SLAMF9: variants seen among roughly 807,000 people sequenced by gnomAD.
SLAMF9 encodes SLAM family member 9.
SLAMF9 carries 25 observed loss-of-function variants against 30.4 expected under a neutral mutation model. The observed-to-expected ratio is 0.82, with a 90% CI of 0.60 to 1.15. The LOEUF is 1.15. Ranked by LOEUF, SLAMF9 falls within the 50% of genes most tolerant of loss-of-function variation. SLAMF9 has a pLI of 0.00. For synonymous variants in SLAMF9, 129 were observed against 127.2 expected (o/e 1.01, Z -0.09); for missense variants, 344 against 346.1 (o/e 0.99, Z 0.05).
chr1:159,960,824 G>C, the SLAMF9 span, among the ~76,000 whole-genome samples: 1 of 152,140 alleles, frequency 6.6e-6, no homozygotes, highest in East Asian at 1.9e-4. Flanking sequence ...AGGTTGGGGG[G>C]GTGCAGCTGA....
At chr1:159,973,075 C>A in the SLAMF9 span, 1 of 1,481,438 alleles carries the variant, frequency 6.8e-7, no homozygotes, top group Non-Finnish European at 9.0e-7. Context: ...CAGTAAAGCC[C>A]AGAGTCTCCC....
At position 159,953,607 on chromosome 1, in the gene SLAMF9, A is replaced by T. The variant is rs1651846012; in HGVS notation, c.93T>A (p.Val31=). The T allele has an allele frequency of 6.2e-7, 1 of 1,611,916 alleles. No individual in the cohort carries two copies. Among genetic ancestry groups the T allele is most frequent in the Non-Finnish European group, 8.5e-7 (1 of 1,178,722 alleles). The change falls in exon 2 of 4, where the codon GTT becomes GTA. Residue 31 remains valine, a synonymous_variant. Coordinates refer to ENST00000368093, the MANE Select transcript of SLAMF9 (RefSeq NM_033438.4). ...GGCTGATGGACTCCTGAAGGACCGC[A>T]ACCACTTCCTCGGATCCACACCATC... ...LWRWCGSEEV[V]AVLQESISLP... is the part of the protein sequence containing the mutation.
intron 2 of SLAMF9, 41 bp downstream of exon 2, chr1:159,953,268 A>G: frequency 6.5e-7 from 1 of 1,528,816 alleles, no homozygotes; most frequent in Non-Finnish European, 8.9e-7. Context: ...AGCTCAGAAG[A>G]GCCCCCAAAA....
chr1:159,976,003 T>C, the SLAMF9 span, among the ~76,000 whole-genome samples: 1 of 152,106 alleles, frequency 6.6e-6, no homozygotes, highest in East Asian at 1.9e-4. Flanking sequence ...GATAGAGACT[T>C]GGGAGTCATT....
the SLAMF9 span, among the ~76,000 whole-genome samples, chr1:159,970,986 C>A: frequency 6.6e-6 from 1 of 152,194 alleles, no homozygotes; most frequent in African/African-American, 2.4e-5. Context: ...ACTCTTCTGG[C>A]ATCAGTGTGT....
chr1:159,971,081 G>A, the SLAMF9 span, among the ~76,000 whole-genome samples: 15 of 152,120 alleles, frequency 9.9e-5, no homozygotes, highest in African/African-American at 2.9e-4. Context: ...CGCTGCCCAC[G>A]TGGCTGACTG....
At chr1:159,969,551 C>T in the SLAMF9 span, among the ~76,000 whole-genome samples, 1 of 152,222 alleles carries the variant, frequency 6.6e-6, no homozygotes, top group Non-Finnish European at 1.5e-5. Context: ...GGGAGCCCCT[C>T]TGCTCGGGGA....
At chr1:159,960,431 TTTTTCTGCTTC>T in the SLAMF9 span, among the ~76,000 whole-genome samples, 7 of 151,818 alleles carry the variant, frequency 4.6e-5, no homozygotes, top group South Asian at 1.5e-3. Context: ...GGGCAGTCTG[TTTTTCTGCTTC>T]CAGGCTTTCT....
chr1:159,953,937 G>T (rs551892335), intron 1 of SLAMF9, among the ~76,000 whole-genome samples, 155 bp downstream of exon 1: 1 of 152,134 alleles, frequency 6.6e-6, no homozygotes, highest in Admixed American at 6.5e-5. Context: ...GTGTCTCTCG[G>T]TCCTGCCCTG....
chr1:159,969,560 G>T, the SLAMF9 span, among the ~76,000 whole-genome samples: 1 of 152,336 alleles, frequency 6.6e-6, no homozygotes, highest in Admixed American at 6.5e-5. Flanking sequence ...TCTGCTCGGG[G>T]ATTGCAGATG....
the SLAMF9 span, among the ~76,000 whole-genome samples, chr1:159,960,622 C>T: frequency 3.3e-5 from 5 of 152,108 alleles, no homozygotes; most frequent in South Asian, 2.1e-4. Flanking sequence ...CATGCTACTA[C>T]GCCTGGCTAA....
At chr1:159,971,250 G>C in the SLAMF9 span, among the ~76,000 whole-genome samples, 1 of 152,176 alleles carries the variant, frequency 6.6e-6, no homozygotes, top group Admixed American at 6.5e-5. Context: ...ACTCTTATCA[G>C]GCATGGCATT....
chr1:159,969,987 G>A, the SLAMF9 span, among the ~76,000 whole-genome samples: 79 of 152,126 alleles, frequency 5.2e-4, no homozygotes, highest in Non-Finnish European at 1.0e-3. Flanking sequence ...GGGTGAAGGG[G>A]GAGTGGAGAC....
the SLAMF9 span, among the ~76,000 whole-genome samples, chr1:159,960,958 C>T: frequency 3.9e-5 from 6 of 152,298 alleles, no homozygotes; most frequent in South Asian, 4.1e-4. Flanking sequence ...TTGTCCACAA[C>T]GGTAATCAAC....
In SLAMF9 at chr1:159,951,686, G is replaced by T. The variant is rs1199900747; in HGVS notation, c.845C>A (p.Ala282Glu). 5.3e-5 allele frequency: 85 copies of T among 1,614,030 alleles called. No individual in the cohort carries two copies. Among genetic ancestry groups the T allele is most frequent in the Non-Finnish European group, 7.1e-5 (84 of 1,180,046 alleles). ...MRNRMKLRKE[A>E]KPGSSPA ...TCAGGCAGGGCTGGAGCCAGGCTTTGCCTCCTTCCTCAATTTCATTCTGTT... is the reference window on the plus strand; with the variant it reads ...TCAGGCAGGGCTGGAGCCAGGCTTTTCCTCCTTCCTCAATTTCATTCTGTT... Residue 282 changes from alanine (A) to glutamate (E), a missense_variant, in exon 4 of 4, where the codon GCA becomes GAA. By Grantham distance (107) the Ala-to-Glu change is moderately radical (BLOSUM62 -1). Coordinates refer to ENST00000368093, the MANE Select transcript of SLAMF9 (RefSeq NM_033438.4).
the SLAMF9 span, among the ~76,000 whole-genome samples, chr1:159,968,244 A>G: frequency 1.3e-5 from 2 of 152,176 alleles, no homozygotes; most frequent in African/African-American, 2.4e-5. Flanking sequence ...CTTGTTGTAT[A>G]TGGATTTTAC....
chr1:159,967,369 T>C, the SLAMF9 span, among the ~76,000 whole-genome samples: 16 of 152,238 alleles, frequency 1.1e-4, no homozygotes, highest in African/African-American at 3.6e-4. Context: ...CCACACCATT[T>C]ATTGAATAGA....
chr1:159,952,143 A>G lies in SLAMF9; in HGVS notation c.664+119T>C, dbSNP rs1651767053. 12 of 1,205,696 alleles carry G rather than the reference A, an allele frequency of 1.0e-5. No individual in the cohort carries two copies. The Admixed American group carries it at 1.7e-4, about 17-fold the overall frequency. The allele number at this position is 1,205,696 out of a possible 1,614,324, so 74.7% of individuals were successfully genotyped here. A position where few individuals can be genotyped will look rare whatever the true frequency, so the allele number is the denominator to read the frequency against. On this transcript the variant is annotated intron_variant, in intron 3 of 3. Transcript: ENST00000368093. ...TCTCCAATCCAGGTGTCAAGCCTCC[A>G]TGGGAGGGGGTTAGCTTCTGAATTC...
At chr1:159,973,864 C>T in the SLAMF9 span, 1 of 1,613,378 alleles carries the variant, frequency 6.2e-7, no homozygotes, top group Admixed American at 1.7e-5. Flanking sequence ...ATCACCTGCC[C>T]AGTGCAGCTG....
Sources: allele counts gnomAD v4.1 joint callset (sites outside exome capture counted in the v4.1 genomes callset), GRCh38; gene constraint gnomAD v4.1.1; transcripts MANE v1.5; gene names NCBI Gene and HGNC (gene_info 2026-07-23, HGNC 2026-07-21).